CACNA1B: variants seen among roughly 807,000 people sequenced by gnomAD.
The protein encoded by CACNA1B is voltage-dependent N-type calcium channel subunit alpha-1B.
Under a neutral mutation model 247.2 loss-of-function variants are expected in CACNA1B, and 70 were observed. The observed-to-expected ratio is 0.28, with a 90% CI of 0.23 to 0.35. The LOEUF is 0.35. Ranked by LOEUF, CACNA1B falls within the 10% of genes least tolerant of loss-of-function variation. The pLI, the probability that CACNA1B is intolerant of heterozygous loss-of-function variation, is 1.00. For missense variants in CACNA1B, 2,367 were observed against 3,197.4 expected (o/e 0.74, Z 6.26); for synonymous variants, 1,231 against 1,294.4 (o/e 0.95, Z 1.05).
intron 6 of CACNA1B, among the ~76,000 whole-genome samples, chr9:137,931,385 G>A (rs535836877): frequency 1.3e-5 from 2 of 152,248 alleles, no homozygotes; most frequent in African/African-American, 4.8e-5. Context: ...GACCAATCAG[G>A]TACTTTCCAT....
intron 5 of CACNA1B, among the ~76,000 whole-genome samples, chr9:137,916,725 G>A (rs7875160): frequency 4.0e-5 from 6 of 151,734 alleles, no homozygotes; most frequent in East Asian, 3.9e-4. Flanking sequence ...TACAGTCAGC[G>A]TGGCAGTTTG....
chr9:138,053,791 C>T, intron 25 of CACNA1B, 55 bp from the exon 26 acceptor site: 1 of 1,429,012 alleles, frequency 7.0e-7, no homozygotes, highest in South Asian at 1.2e-5. Context: ...CTCATGGCCC[C>T]ACTCTCCCAC....
intron 20 of CACNA1B, among the ~76,000 whole-genome samples, chr9:138,042,464 C>CA (rs967009048): frequency 2.2e-4 from 32 of 148,316 alleles, no homozygotes; most frequent in African/African-American, 3.9e-4. Context: ...TAAACAAAAA[C>CA]AAAAAAAAAA....
chr9:137,935,054 GCC>G (rs1564196501), intron 6 of CACNA1B, among the ~76,000 whole-genome samples: 2 of 152,162 alleles, frequency 1.3e-5, no homozygotes, highest in Non-Finnish European at 2.9e-5. Context: ...GAAAGGCAAA[GCC>G]CAATTTAAGG....
chr9:137,922,341 C>G (rs1385367007), intron 6 of CACNA1B, among the ~76,000 whole-genome samples: 1 of 151,186 alleles, frequency 6.6e-6, no homozygotes, highest in Admixed American at 6.6e-5. Flanking sequence ...ACCGCGATCA[C>G]ACAGCATCCT....
intron 3 of CACNA1B, among the ~76,000 whole-genome samples, chr9:137,908,344 C>T (rs966850628): frequency 6.6e-5 from 10 of 151,934 alleles, no homozygotes; most frequent in African/African-American, 2.2e-4. Context: ...GGTGGAACCC[C>T]GTCTCTAATA....
chr9:138,006,981 G>T lies in CACNA1B; in HGVS notation c.2092+97G>T, dbSNP rs566698392. 6 of 688,344 alleles carry T rather than the reference G, an allele frequency of 8.7e-6. No homozygotes were observed. In the Admixed American group the frequency reaches 1.3e-4, roughly 15 times the overall value. The allele number at this position is 688,344 out of a possible 1,614,324, so 42.6% of individuals were successfully genotyped here. Reference sequence around the variant, plus strand: ...GATCCCTCCAGGAGGACTAGGGGCCGTGGACGTGAGAGGTGCATTCTCAGA... The same window carrying T: ...GATCCCTCCAGGAGGACTAGGGGCCTTGGACGTGAGAGGTGCATTCTCAGA... On this transcript the variant is annotated intron_variant, in intron 16 of 46. Transcript: ENST00000371372.
intron 15 of CACNA1B, among the ~76,000 whole-genome samples, chr9:137,988,660 T>G (rs1294980905): frequency 6.6e-6 from 1 of 152,048 alleles, no homozygotes; most frequent in Non-Finnish European, 1.5e-5. Flanking sequence ...CATACAGTGG[T>G]GAGAGACAGC....
chr9:137,967,955 G>C (rs1366246670), intron 10 of CACNA1B, among the ~76,000 whole-genome samples: 1 of 152,178 alleles, frequency 6.6e-6, no homozygotes, highest in African/African-American at 2.4e-5. Context: ...TCACCTCCAC[G>C]TTGGAGATGC....
In CACNA1B at chr9:138,023,716, T is replaced by TGTGGAGAAGGAGACC. The variant is rs1216194185; in HGVS notation, c.2974_2988dup (p.Val992_Thr996dup). On this transcript the variant is annotated inframe_insertion, in exon 19 of 47. Coordinates refer to ENST00000371372, the MANE Select transcript of CACNA1B (RefSeq NM_000718.4). ...ACAAGGCGCAGCCTGCTCACGAGGCTGTGGAGAAGGAGACCACGGAGAAGG... is the reference window on the plus strand; with the variant it reads ...ACAAGGCGCAGCCTGCTCACGAGGCTGTGGAGAAGGAGACCGTGGAGAAGGAGACCACGGAGAAGG... The TGTGGAGAAGGAGACC allele has an allele frequency of 4.5e-6, 7 of 1,541,480 alleles. 1 individual carries two copies.
Position 137,957,248 on chromosome 9 carries a change from C to T in CACNA1B, c.1244-350C>T, listed in dbSNP as rs950664931. Among the ~76,000 whole-genome samples the T allele has an allele frequency of 6.6e-5, 10 of 152,244 alleles. No individual in the cohort carries two copies. The East Asian group carries it at 9.6e-4, about 15-fold the overall frequency. On this transcript the variant is annotated intron_variant, in intron 9 of 46. Coordinates refer to ENST00000371372, the MANE Select transcript of CACNA1B (RefSeq NM_000718.4). This position sits in a 1 kb window ranked among gnomAD's most constrained non-coding sequence, Gnocchi z 4.7. The stretch of plus-strand genomic sequence containing the variant: ...TGGGCACTTCCGTGGCAATCTCAGC[C>T]GGCCCCATGCCTGCGGCTCTGAGCA...
At chr9:137,925,649 T>G (rs1957540480) in intron 6 of CACNA1B, among the ~76,000 whole-genome samples, 1 of 152,192 alleles carries the variant, frequency 6.6e-6, no homozygotes, top group African/African-American at 2.4e-5. Flanking sequence ...TTGATAATCA[T>G]ACAATTTGCA....
chr9:137,997,181 A>T (rs1958510503), intron 15 of CACNA1B, among the ~76,000 whole-genome samples: 1 of 152,212 alleles, frequency 6.6e-6, no homozygotes, highest in African/African-American at 2.4e-5. Flanking sequence ...CTGAAACTGG[A>T]TGGGCATGTA....
At chr9:137,998,615 A>G (rs553217348) in intron 15 of CACNA1B, among the ~76,000 whole-genome samples, 4 of 152,324 alleles carry the variant, frequency 2.6e-5, no homozygotes, top group Non-Finnish European at 4.4e-5. Flanking sequence ...AAGCTCATGT[A>G]TTAATATCAG....
rs56309416 is a variant in CACNA1B at position 138,120,845 on chromosome 9, G to A, written c.6453G>A (p.Ser2151=). 6.4e-6 allele frequency: 10 copies of A among 1,572,504 alleles called. No individual in the cohort carries two copies. Among genetic ancestry groups the A allele is most frequent in the South Asian group, 5.8e-5 (5 of 85,488 alleles). The part of the protein sequence containing the change: ...PKPSLSSHPT[S]PTAGQEPGPH... Reference sequence around the variant, plus strand: ...CCTCCCTCAGCAGCCACCCAACGTCGCCAACAGCTGGCCAGGAGCCGGGAC... The same window carrying A: ...CCTCCCTCAGCAGCCACCCAACGTCACCAACAGCTGGCCAGGAGCCGGGAC... Residue 2151 remains serine (S), a synonymous_variant, in exon 46 of 47, where the codon TCG becomes TCA. Transcript: ENST00000371372.
At chr9:137,920,278 C>A (rs1473329831) in intron 6 of CACNA1B, among the ~76,000 whole-genome samples, 2 of 152,170 alleles carry the variant, frequency 1.3e-5, no homozygotes, top group Non-Finnish European at 2.9e-5. Flanking sequence ...CTCACTGCAA[C>A]CTCTGCCTCC....
At chr9:138,081,867 T>C (rs1008226869) in intron 36 of CACNA1B, among the ~76,000 whole-genome samples, 1 of 151,098 alleles carries the variant, frequency 6.6e-6, no homozygotes. Flanking sequence ...ATTGAATCAG[T>C]AATCGAAAAC....
Position 137,952,417 on chromosome 9 carries a change from G to A in CACNA1B, c.1070+40G>A, listed in dbSNP as rs774241997. ...GGGGGATGTGCAGGTGCCCCTCTGT[G>A]TTCTCAGCTGAGGGGTCAACAGGGG... On this transcript the variant is annotated intron_variant, in intron 7 of 46. Transcript: ENST00000371372. The surrounding 1 kb of genome is among the most constrained non-coding windows in gnomAD (Gnocchi z 4.8). 6.5e-7 allele frequency: 1 copy of A among 1,530,964 alleles called. No homozygotes were observed. The highest frequency in any genetic ancestry group is 9.1e-7 in the Non-Finnish European group (1 of 1,104,920). The allele number at this position is 1,530,964 out of a possible 1,614,324, so 94.8% of individuals were successfully genotyped here. A position where few individuals can be genotyped will look rare whatever the true frequency, so the allele number is the denominator to read the frequency against.
intron 20 of CACNA1B, among the ~76,000 whole-genome samples, chr9:138,032,197 T>C (rs1353818984): frequency 1.3e-5 from 2 of 152,148 alleles, no homozygotes; most frequent in Non-Finnish European, 2.9e-5. Context: ...TTTTAGTGGT[T>C]GCCCTGTGTA....
Sources: allele counts gnomAD v4.1 joint callset (sites outside exome capture counted in the v4.1 genomes callset), GRCh38; gene constraint gnomAD v4.1.1; non-coding constraint Gnocchi (gnomAD v3.1); transcripts MANE v1.5; gene names NCBI Gene and HGNC (gene_info 2026-07-23, HGNC 2026-07-21).